Variants in PARD3B observed in about 807,000 individuals in gnomAD.
PARD3B encodes the protein par-3 family cell polarity regulator beta, also known as partitioning defective 3 homolog B.
In PARD3B, 103 loss-of-function variants were observed where a neutral mutation model predicts 130.2. The observed-to-expected ratio is 0.79, with a 90% CI of 0.67 to 0.93. The LOEUF is 0.93. Among genes scored for constraint, PARD3B ranks in the 40% least tolerant of loss-of-function variants. PARD3B has a pLI of 0.00. For synonymous variants in PARD3B, 583 were observed against 553.2 expected, an observed-to-expected ratio of 1.05 and a Z score of -0.76; for missense variants, 1,609 against 1,499.2, an observed-to-expected ratio of 1.07 and a Z score of -1.21.
chr2:204,722,445 C>T (rs73984284), intron 2 of PARD3B, among the ~76,000 whole-genome samples: 47,328 of 151,846 alleles, frequency 0.31, 10,195 homozygotes, highest in African/African-American at 0.62. Context: ...CTAACTTCTA[C>T]AGTTTAAATT....
At chr2:204,676,827 G>A (rs557352698) in intron 1 of PARD3B, among the ~76,000 whole-genome samples, 133 of 151,830 alleles carry the variant, frequency 8.8e-4, no homozygotes, top group African/African-American at 3.0e-3. Flanking sequence ...GTGCCACCAC[G>A]CCCAGCTAAT....
At chr2:205,355,561 T>C (rs1202167262) in intron 18 of PARD3B, among the ~76,000 whole-genome samples, 2 of 152,156 alleles carry the variant, frequency 1.3e-5, no homozygotes, top group Non-Finnish European at 2.9e-5. Context: ...GCTTCAACTG[T>C]GTAAGGTGAG....
rs1016303675 is a variant in PARD3B, at chr2:205,074,267, T to G, written c.504+26577T>G. Among the ~76,000 whole-genome samples, 87 of 152,164 alleles carry G rather than the reference T, an allele frequency of 5.7e-4. 1 individual carries two copies. Among genetic ancestry groups the G allele is most frequent in the South Asian group, 8.3e-4 (4 of 4,834 alleles). Reference sequence around the variant, plus strand: ...ACAAAGACATTAATTACAAAAAACTTTTGAAAAGACTATTGTCTCATTAAC... The same window carrying G: ...ACAAAGACATTAATTACAAAAAACTGTTGAAAAGACTATTGTCTCATTAAC... On this transcript the variant is annotated intron_variant, in intron 4 of 22. Coordinates refer to ENST00000406610, the MANE Select transcript of PARD3B (RefSeq NM_001302769.2).
intron 3 of PARD3B, among the ~76,000 whole-genome samples, chr2:205,029,532 G>A (rs1236584955): frequency 2.0e-5 from 3 of 152,124 alleles, no homozygotes; most frequent in Non-Finnish European, 4.4e-5. Flanking sequence ...AATGGATTAC[G>A]AATACCCACT....
chr2:205,510,879 T>C (rs1005594656), intron 21 of PARD3B, among the ~76,000 whole-genome samples: 2 of 152,240 alleles, frequency 1.3e-5, no homozygotes, highest in African/African-American at 4.8e-5. Flanking sequence ...ATACTAGCTC[T>C]GTGAGGTAGA....
At position 204,705,788 on chromosome 2, in the gene PARD3B, T is replaced by A. The variant is rs111589186; in HGVS notation, c.222+19506T>A. 8.3e-3 allele frequency among the ~76,000 whole-genome samples: 1,267 copies of A among 152,170 alleles called. 10 individuals are homozygous for A. The highest frequency in any genetic ancestry group is 0.028 in the African/African-American group (1,166 of 41,530). On this transcript the variant is annotated intron_variant, in intron 2 of 22. Transcript: ENST00000406610. The stretch of plus-strand genomic sequence containing the variant: ...GAACAAGCAGTCCAAAGCAGTGAAG[T>A]GTGTGGAGGCAGCAGCAGGTACTTA...
In PARD3B at chr2:205,352,350, C is replaced by T. The variant is rs986159854; in HGVS notation, c.2631-48663C>T. On this transcript the variant is annotated intron_variant, in intron 18 of 22. Coordinates refer to ENST00000406610, the MANE Select transcript of PARD3B (RefSeq NM_001302769.2). The surrounding 1 kb of genome is among the most constrained non-coding windows in gnomAD (Gnocchi z 5.2). The stretch of plus-strand genomic sequence containing the variant: ...TTCAGATTTTTGTGGTTTCTCATGT[C>T]GTGGATTACAGGGACTCTTGTAAAT... Among the ~76,000 whole-genome samples, 3 of 152,096 alleles carry T rather than the reference C, an allele frequency of 2.0e-5. No homozygotes were observed. Among genetic ancestry groups the T allele is most frequent in the Non-Finnish European group, 4.4e-5 (3 of 68,022 alleles).
rs745441417 is a variant in PARD3B, at chr2:205,564,337, T to C, written c.3260+10934T>C. 4.6e-5 allele frequency among the ~76,000 whole-genome samples: 7 copies of C among 152,194 alleles called. No individual in the cohort carries two copies. Among genetic ancestry groups the C allele is most frequent in the Admixed American group, 6.5e-5 (1 of 15,278 alleles). On this transcript the variant is annotated intron_variant, in intron 22 of 22. Coordinates refer to ENST00000406610, the MANE Select transcript of PARD3B (RefSeq NM_001302769.2). The surrounding 1 kb of genome is among the most constrained non-coding windows in gnomAD (Gnocchi z 4.6). ...AGCATTTCAATGGATAAACCCCTTA[T>C]AGGCTTTCAGAATGACTAAGAACAG...
chr2:205,296,397 T>C (rs1347346352), intron 16 of PARD3B, among the ~76,000 whole-genome samples: 2 of 152,190 alleles, frequency 1.3e-5, no homozygotes, highest in South Asian at 2.1e-4. Context: ...AATCCAAGAC[T>C]GAGTCAGAGA....
intron 3 of PARD3B, among the ~76,000 whole-genome samples, chr2:205,005,991 G>T (rs1695232345): frequency 6.6e-6 from 1 of 152,136 alleles, no homozygotes; most frequent in African/African-American, 2.4e-5. Context: ...AGTCCCCGAA[G>T]TTCATTATAT....
At chr2:205,306,944 T>A (rs7608827) in intron 18 of PARD3B, among the ~76,000 whole-genome samples, 5,224 of 152,292 alleles carry the variant, frequency 0.034, 136 homozygotes, top group Middle Eastern at 0.061. Flanking sequence ...TGGAGTTAGA[T>A]GTGTGTTTTA....
intron 2 of PARD3B, among the ~76,000 whole-genome samples, chr2:204,794,339 T>G (rs1293673828): frequency 6.6e-6 from 1 of 152,238 alleles, no homozygotes; most frequent in African/African-American, 2.4e-5. Flanking sequence ...TTATAATACA[T>G]TAATGAAAGT....
At chr2:205,218,006 C>T (rs2038042576) in intron 15 of PARD3B, among the ~76,000 whole-genome samples, 1 of 150,038 alleles carries the variant, frequency 6.7e-6, no homozygotes, top group African/African-American at 2.5e-5. Flanking sequence ...GATTCTTCTG[C>T]CTCAACCTCC....
chr2:204,755,142 C>T (rs1012758190), intron 2 of PARD3B, among the ~76,000 whole-genome samples: 1 of 152,014 alleles, frequency 6.6e-6, no homozygotes. Context: ...AACTCCAGTT[C>T]AGGCACTAAA....
At chr2:204,627,925 C>G (rs1284918256) in intron 1 of PARD3B, among the ~76,000 whole-genome samples, 3 of 151,220 alleles carry the variant, frequency 2.0e-5, no homozygotes, top group Non-Finnish European at 4.4e-5. Flanking sequence ...CCCAGGTTGC[C>G]TTTGAATGTG....
intron 2 of PARD3B, among the ~76,000 whole-genome samples, chr2:204,945,655 T>C (rs1030924881): frequency 9.9e-5 from 15 of 152,210 alleles, no homozygotes; most frequent in African/African-American, 9.6e-5. Context: ...TAAAATTTTA[T>C]TGGGGATGGC....
chr2:205,130,207 C>T (rs975136792), intron 10 of PARD3B, among the ~76,000 whole-genome samples: 2 of 152,124 alleles, frequency 1.3e-5, no homozygotes, highest in African/African-American at 4.8e-5. Context: ...AACAGTTTTG[C>T]AGAAGGTACT....
At chr2:205,110,385 T>A (rs1160278261) in intron 5 of PARD3B, among the ~76,000 whole-genome samples, 1 of 152,228 alleles carries the variant, frequency 6.6e-6, no homozygotes, top group Non-Finnish European at 1.5e-5. Context: ...ATTCTGCAGC[T>A]TCGCCTATAG....
At chr2:205,385,770 A>G (rs1034094824) in intron 18 of PARD3B, among the ~76,000 whole-genome samples, 1 of 152,128 alleles carries the variant, frequency 6.6e-6, no homozygotes, top group Non-Finnish European at 1.5e-5. Context: ...AATGAGATAT[A>G]CTTAAGGTAG....
Sources: allele counts gnomAD v4.1 joint callset (sites outside exome capture counted in the v4.1 genomes callset), GRCh38; gene constraint gnomAD v4.1.1; non-coding constraint Gnocchi (gnomAD v3.1); transcripts MANE v1.5; gene names NCBI Gene and HGNC (gene_info 2026-07-23, HGNC 2026-07-21).